Variants in ZNF567 observed in about 807,000 individuals in gnomAD.
ZNF567 encodes zinc finger protein 567.
In ZNF567, 36 loss-of-function variants were observed where a neutral mutation model predicts 53.9. The ratio of observed to expected loss-of-function variants is 0.67; its 90% confidence interval spans 0.51 to 0.88. ZNF567 has a LOEUF of 0.88. ZNF567 is among the 40% of genes least tolerant of loss of function. ZNF567 has a pLI of 0.00. For missense variants in ZNF567, 619 were observed against 764.7 expected, an observed-to-expected ratio of 0.81 and a Z score of 2.25; for synonymous variants, 224 against 260.4, an observed-to-expected ratio of 0.86 and a Z score of 1.35.
the ZNF567 span, chr19:36,668,430 A>C: frequency 2.0e-5 from 3 of 152,296 alleles, no homozygotes; most frequent in East Asian, 3.9e-4. Flanking sequence ...GTGCACAGGG[A>C]TCTTGTGACA....
the ZNF567 span, among the ~76,000 whole-genome samples, chr19:36,671,801 C>T: frequency 6.6e-6 from 1 of 152,216 alleles, no homozygotes; most frequent in African/African-American, 2.4e-5. Flanking sequence ...ACCTGCACTA[C>T]CCATCAGGAA....
intron 2 of ZNF567, among the ~76,000 whole-genome samples, chr19:36,690,962 T>C (rs988585435): frequency 9.9e-5 from 15 of 152,188 alleles, no homozygotes; most frequent in African/African-American, 3.6e-4. Context: ...GTGAGGGTCA[T>C]TGGATCTACA....
chr19:36,719,889 G>A lies in ZNF567; in HGVS notation c.1165G>A (p.Gly389Ser), dbSNP rs2040235112. The A allele has an allele frequency of 2.5e-6, 4 of 1,609,204 alleles. No homozygotes were observed. Among genetic ancestry groups the A allele is most frequent in the Non-Finnish European group, 3.4e-6 (4 of 1,176,344 alleles). ...TLSLHQRIHT[G>S]EKPYICKECG... is the part of the protein sequence containing the mutation. Reference sequence around the variant, plus strand: ...CTCTCTACATCAGAGAATCCATACAGGTGAGAAACCCTACATTTGTAAAGA... The same window carrying A: ...CTCTCTACATCAGAGAATCCATACAAGTGAGAAACCCTACATTTGTAAAGA... The change falls in exon 6 of 6, where the codon GGT becomes AGT. Residue 389 changes from glycine to serine, a missense_variant. By Grantham distance (56) the Gly-to-Ser change is moderately conservative (BLOSUM62 0). Coordinates refer to ENST00000682579, the MANE Select transcript of ZNF567 (RefSeq NM_001322917.1).
chr19:36,720,572 C>T lies in ZNF567; in HGVS notation c.1848C>T (p.Pro616=), dbSNP rs764257846. The T allele has an allele frequency of 2.5e-6, 4 of 1,613,378 alleles. No homozygotes were observed. Among genetic ancestry groups the T allele is most frequent in the Non-Finnish European group, 3.4e-6 (4 of 1,179,750 alleles). The change falls in exon 6 of 6, where the codon CCC becomes CCT. Residue 616 remains proline (P), a synonymous_variant. Coordinates refer to ENST00000682579, the MANE Select transcript of ZNF567 (RefSeq NM_001322917.1). ...VHQRTHTGEK[P]YVCNECGKSF... Reference sequence around the variant, plus strand: ...AGAGAACTCACACAGGTGAGAAACCCTATGTTTGTAATGAGTGTGGTAAGT... The same window carrying T: ...AGAGAACTCACACAGGTGAGAAACCTTATGTTTGTAATGAGTGTGGTAAGT...
chr19:36,669,759 TG>T, the ZNF567 span, among the ~76,000 whole-genome samples: 2 of 152,200 alleles, frequency 1.3e-5, no homozygotes, highest in African/African-American at 4.8e-5. Context: ...TAAGGGGACC[TG>T]GCCTCCCCTT....
chr19:36,715,509 A>ATTATT lies in ZNF567; in HGVS notation c.223+2642_223+2643insTTATT, dbSNP rs1568711570. On this transcript the variant is annotated intron_variant, in intron 5 of 5. Coordinates refer to ENST00000682579, the MANE Select transcript of ZNF567 (RefSeq NM_001322917.1). Reference sequence around the variant, plus strand: ...TAATAATAATAATAATAATAATAATAATTATTATTATTATTATTATTATTA... The same window carrying ATTATT: ...TAATAATAATAATAATAATAATAATATTATTATTATTATTATTATTATTATTATTA... 2.9e-3 allele frequency among the ~76,000 whole-genome samples: 134 copies of ATTATT among 45,814 alleles called. 3 individuals carry two copies. Among genetic ancestry groups the ATTATT allele is most frequent in the South Asian group, 0.01 (15 of 1,484 alleles). 30.1% of individuals were successfully genotyped at this position (45,814 alleles called of 152,430 possible).
intron 3 of ZNF567, among the ~76,000 whole-genome samples, chr19:36,704,069 G>A (rs1012541694): frequency 3.9e-5 from 6 of 152,072 alleles, no homozygotes; most frequent in African/African-American, 1.4e-4. Context: ...ATTTGGCCTG[G>A]AATTTCTTTT....
chr19:36,724,855 TA>T (rs879898922), downstream of ZNF567, among the ~76,000 whole-genome samples: 380 of 140,398 alleles, frequency 2.7e-3, no homozygotes, highest in Admixed American at 3.6e-3. Flanking sequence ...CTCAAAAAAT[TA>T]AAAAAAAAAA....
chr19:36,720,370 C>T lies in ZNF567; in HGVS notation c.1646C>T (p.Thr549Ile), dbSNP rs867155526. Residue 549 changes from threonine (T) to isoleucine (I), a missense_variant, in exon 6 of 6, where the codon ACT becomes ATT. Thr to Ile is a moderately conservative substitution (Grantham distance 89). Coordinates refer to ENST00000682579, the MANE Select transcript of ZNF567 (RefSeq NM_001322917.1). The part of the protein sequence containing the change: ...GKSFRQKATL[T>I]VHQKIHTGQK... The stretch of plus-strand genomic sequence containing the variant: ...TCCTTTCGCCAGAAAGCAACCCTCA[C>T]TGTACATCAGAAAATACATACCGGC... 3.1e-6 allele frequency: 5 copies of T among 1,613,876 alleles called. No homozygotes were observed. The highest frequency in any genetic ancestry group is 3.4e-6 in the Non-Finnish European group (4 of 1,180,020).
chr19:36,696,564 A>G (rs1239107051), intron 3 of ZNF567, among the ~76,000 whole-genome samples: 2 of 152,050 alleles, frequency 1.3e-5, no homozygotes, highest in Non-Finnish European at 2.9e-5. Flanking sequence ...CCACCTGCCA[A>G]TACAGCCAAC....
chr19:36,681,633 T>A, the ZNF567 span, among the ~76,000 whole-genome samples: 1 of 152,084 alleles, frequency 6.6e-6, no homozygotes, highest in South Asian at 2.1e-4. Context: ...TTTCACCATG[T>A]TGCCCAGCCT....
At chr19:36,722,308 A>T (rs1300390912), downstream of ZNF567, among the ~76,000 whole-genome samples, 7 of 152,088 alleles carry the variant, frequency 4.6e-5, no homozygotes, top group Non-Finnish European at 1.5e-5. Context: ...GAAATTTATT[A>T]ATTAATTTAT....
At chr19:36,685,679 C>T (rs2038251147), upstream of ZNF567, 1 of 152,098 alleles carries the variant, frequency 6.6e-6, no homozygotes, top group Non-Finnish European at 1.5e-5. Context: ...ACAGGTTGAA[C>T]AATACAATTA....
At chr19:36,681,444 C>A in the ZNF567 span, among the ~76,000 whole-genome samples, 1 of 151,754 alleles carries the variant, frequency 6.6e-6, no homozygotes, top group African/African-American at 2.4e-5. Context: ...AGTTTTGTTT[C>A]TTTGAGACAA....
Position 36,720,829 on chromosome 19 carries a change from A to ATT in ZNF567, c.*162_*163insTT. 1.7e-6 allele frequency: 1 copy of ATT among 577,086 alleles called. No individual in the cohort carries two copies. Among genetic ancestry groups the ATT allele is most frequent in the Non-Finnish European group, 2.7e-6 (1 of 373,614 alleles). 35.7% of individuals were successfully genotyped at this position (577,086 alleles called of 1,614,324 possible). On this transcript the variant is annotated 3_prime_UTR_variant, in exon 6 of 6. Coordinates refer to ENST00000682579, the MANE Select transcript of ZNF567 (RefSeq NM_001322917.1). ...TGTCTACTGTTTACTAGCATATAAA[A>ATT]TAAGTATGATCATTATTATTGAACT...
intron 2 of ZNF567, among the ~76,000 whole-genome samples, chr19:36,690,680 G>A (rs919778127): frequency 1.3e-5 from 2 of 152,144 alleles, no homozygotes; most frequent in Non-Finnish European, 2.9e-5. Context: ...CATTCTTTTG[G>A]AGTTTCTTTC....
At chr19:36,684,499 C>T (rs1009071061), upstream of ZNF567, among the ~76,000 whole-genome samples, 4 of 152,114 alleles carry the variant, frequency 2.6e-5, no homozygotes, top group African/African-American at 9.7e-5. Context: ...TCTTCATAGA[C>T]ATTCCAGAGC....
chr19:36,667,675 G>A, the ZNF567 span, among the ~76,000 whole-genome samples: 2 of 142,662 alleles, frequency 1.4e-5, no homozygotes, highest in African/African-American at 2.6e-5. Flanking sequence ...TTTTTGAGAC[G>A]GAGTCTCGCT....
the ZNF567 span, among the ~76,000 whole-genome samples, chr19:36,677,537 C>G: frequency 6.9e-6 from 1 of 144,696 alleles, no homozygotes; most frequent in East Asian, 2.1e-4. Flanking sequence ...GAGGCCGAGG[C>G]GGGTGGATCA....
Sources: allele counts gnomAD v4.1 joint callset (sites outside exome capture counted in the v4.1 genomes callset), GRCh38; gene constraint gnomAD v4.1.1; transcripts MANE v1.5; gene names NCBI Gene and HGNC (gene_info 2026-07-23, HGNC 2026-07-21).